CLYBL: variants seen among roughly 807,000 people sequenced by gnomAD.
The protein encoded by CLYBL is citramalyl-CoA lyase.
In CLYBL, 31 loss-of-function variants were observed where a neutral mutation model predicts 38.9. That is an observed-to-expected ratio of 0.80 (90% CI 0.60 to 1.08). CLYBL has a LOEUF of 1.08. Ranked by LOEUF, CLYBL falls within the 50% of genes least tolerant of loss-of-function variation. CLYBL has a pLI of 0.00. For missense variants in CLYBL, 434 were observed against 411.6 expected, an observed-to-expected ratio of 1.05 and a Z score of -0.47; for synonymous variants, 171 against 158.6, an observed-to-expected ratio of 1.08 and a Z score of -0.59.
chr13:99,644,225 A>T (rs549598027), intron 1 of CLYBL, among the ~76,000 whole-genome samples: 1 of 151,756 alleles, frequency 6.6e-6, no homozygotes, highest in Non-Finnish European at 1.5e-5. Context: ...TGGTGTATGT[A>T]TATGTGGTGT....
chr13:99,809,258 AT>A (rs2050292466), intron 2 of CLYBL, among the ~76,000 whole-genome samples: 1 of 151,790 alleles, frequency 6.6e-6, no homozygotes, highest in Admixed American at 6.6e-5. Flanking sequence ...GTAGAACTGT[AT>A]TCAAGAGTAT....
At chr13:99,795,515 A>C (rs1386530363) in intron 2 of CLYBL, among the ~76,000 whole-genome samples, 2 of 152,076 alleles carry the variant, frequency 1.3e-5, no homozygotes, top group African/African-American at 2.4e-5. Flanking sequence ...TTACCCAGGC[A>C]TGGTGGCATG....
Position 99,693,815 on chromosome 13 carries a change from G to C in CLYBL, c.63-79009G>C, listed in dbSNP as rs1407790518. ...GATTATTTTAAGACTATCTCAGAAGGCTGGAGCAGCATCTTTCTGATTTCT... is the reference window on the plus strand; with the variant it reads ...GATTATTTTAAGACTATCTCAGAAGCCTGGAGCAGCATCTTTCTGATTTCT... On this transcript the variant is annotated intron_variant, in intron 1 of 8. Transcript: ENST00000339105. Among the ~76,000 whole-genome samples, 3 of 152,156 alleles carry C rather than the reference G, an allele frequency of 2.0e-5. No individual in the cohort carries two copies. In the East Asian group the frequency reaches 5.8e-4, roughly 29 times the overall value.
At position 99,880,066 on chromosome 13, in the gene CLYBL, A is replaced by AT. The variant is rs1283526295; in HGVS notation, c.927+9005dup. ...TGTGTGTATGTATATATATATATAT[A>AT]TATTTTTTTTTTTTTTTTTGAGACA... On this transcript the variant is annotated intron_variant, in intron 7 of 8. Transcript: ENST00000339105. Among the ~76,000 whole-genome samples the AT allele has an allele frequency of 5.3e-3, 320 of 60,750 alleles. 1 individual carries two copies. Among genetic ancestry groups the AT allele is most frequent in the Middle Eastern group, 0.036 (5 of 140 alleles). The allele number at this position is 60,750 out of a possible 152,430, so 39.9% of individuals were successfully genotyped here.
downstream of CLYBL, chr13:99,894,952 G>C (rs145705612): frequency 9.8e-5 from 15 of 152,292 alleles, no homozygotes; most frequent in African/African-American, 3.4e-4. Flanking sequence ...TGATGTCCCA[G>C]TGTTAGTCCT....
intron 1 of CLYBL, among the ~76,000 whole-genome samples, chr13:99,716,395 CTT>C (rs71689410): frequency 3.0e-5 from 4 of 135,218 alleles, no homozygotes; most frequent in African/African-American, 2.7e-5. Flanking sequence ...CTTTTCTTTT[CTT>C]TTTTTTTTTT....
chr13:99,757,198 C>A (rs1455956376), intron 1 of CLYBL, among the ~76,000 whole-genome samples: 1 of 152,110 alleles, frequency 6.6e-6, no homozygotes, highest in East Asian at 1.9e-4. Context: ...CCATACCCGG[C>A]CAAGTGTTAT....
chr13:99,681,776 G>A (rs1388438658), intron 1 of CLYBL, among the ~76,000 whole-genome samples: 1 of 151,932 alleles, frequency 6.6e-6, no homozygotes, highest in East Asian at 1.9e-4. Flanking sequence ...TAGCAGAGAC[G>A]GGGTTTCACC....
chr13:99,678,186 C>T (rs927109575), intron 1 of CLYBL, among the ~76,000 whole-genome samples: 1 of 152,190 alleles, frequency 6.6e-6, no homozygotes, highest in African/African-American at 2.4e-5. Context: ...CTTAACCATA[C>T]GGCTGAACAT....
intron 1 of CLYBL, among the ~76,000 whole-genome samples, chr13:99,725,816 T>G (rs1044365362): frequency 1.3e-5 from 2 of 152,206 alleles, no homozygotes; most frequent in African/African-American, 4.8e-5. Flanking sequence ...TAAATCCCCT[T>G]TCCTTTTTGG....
intron 2 of CLYBL, 78 bp downstream of exon 2, chr13:99,773,088 A>C: frequency 3.4e-6 from 4 of 1,193,246 alleles, no homozygotes; most frequent in South Asian, 2.7e-5. Flanking sequence ...ATTGCCCGCT[A>C]TTTGGAAAGA....
intron 2 of CLYBL, among the ~76,000 whole-genome samples, chr13:99,812,674 T>C (rs1253400430): frequency 6.6e-6 from 1 of 152,084 alleles, no homozygotes; most frequent in Non-Finnish European, 1.5e-5. Flanking sequence ...CTTTTCCACA[T>C]GAAGTGGGAA....
At chr13:99,616,509 G>A (rs950013897) in intron 1 of CLYBL, among the ~76,000 whole-genome samples, 1 of 152,084 alleles carries the variant, frequency 6.6e-6, no homozygotes, top group African/African-American at 2.4e-5. Flanking sequence ...ACCTAAAAAG[G>A]CCTGTTGGCT....
intron 1 of CLYBL, among the ~76,000 whole-genome samples, chr13:99,671,075 A>G (rs913645225): frequency 6.6e-6 from 1 of 152,088 alleles, no homozygotes; most frequent in African/African-American, 2.4e-5. Flanking sequence ...CCTGCGGTAT[A>G]CAGCGAGCTA....
chr13:99,741,781 A>G (rs914026467), intron 1 of CLYBL, among the ~76,000 whole-genome samples: 2 of 152,230 alleles, frequency 1.3e-5, no homozygotes, highest in African/African-American at 2.4e-5. Context: ...CCAGCCAAGC[A>G]TATGTAGTGT....
intron 2 of CLYBL, among the ~76,000 whole-genome samples, chr13:99,807,132 T>C (rs1011229922): frequency 1.3e-5 from 2 of 152,216 alleles, no homozygotes; most frequent in African/African-American, 4.8e-5. Context: ...CAGTTCAACC[T>C]TCACTGCTAA....
intron 3 of CLYBL, among the ~76,000 whole-genome samples, chr13:99,861,438 A>T (rs985106496): frequency 3.3e-5 from 5 of 152,312 alleles, no homozygotes; most frequent in African/African-American, 1.2e-4. Context: ...TTCTTTTTTA[A>T]TGAGAAAAAA....
intron 1 of CLYBL, among the ~76,000 whole-genome samples, chr13:99,656,729 T>C (rs2047336115): frequency 6.6e-6 from 1 of 152,220 alleles, no homozygotes; most frequent in Non-Finnish European, 1.5e-5. Flanking sequence ...TTTTTTAAAA[T>C]TTCCATTCAA....
chr13:99,862,969 C>T (rs2051644871), intron 3 of CLYBL, 22 bp from the exon 4 acceptor site: 28 of 1,446,348 alleles, frequency 1.9e-5, no homozygotes, highest in Non-Finnish European at 2.7e-5. Context: ...CCACTAATCA[C>T]CTATGACACT....
Sources: allele counts gnomAD v4.1 joint callset (sites outside exome capture counted in the v4.1 genomes callset), GRCh38; gene constraint gnomAD v4.1.1; transcripts MANE v1.5; gene names NCBI Gene and HGNC (gene_info 2026-07-23, HGNC 2026-07-21).